The following LRWD1 variants were observed in gnomAD, a reference collection of about 807,000 sequenced individuals.
The protein encoded by LRWD1 is leucine-rich repeat and WD repeat-containing protein 1.
LRWD1 carries 76 observed loss-of-function variants against 75.6 expected under a neutral mutation model. The ratio of observed to expected loss-of-function variants is 1.01; its 90% CI spans 0.84 to 1.22. The LOEUF (loss-of-function observed/expected upper bound fraction) is 1.22, where lower values mean the gene tolerates loss of function less well. Ranked by LOEUF, LRWD1 falls within the 50% of genes most tolerant of loss-of-function variation. The pLI is 0.00. For missense variants in LRWD1, 917 were observed against 862.0 expected, an observed-to-expected ratio of 1.06 and a Z score of -0.80; for synonymous variants, 487 against 377.0, an observed-to-expected ratio of 1.29 and a Z score of -3.38.
intron 11 of LRWD1, 179 bp downstream of exon 11, chr7:102,470,061 C>A (rs919191109): frequency 3.9e-6 from 3 of 774,026 alleles, no homozygotes; most frequent in Non-Finnish European, 5.8e-6. Flanking sequence ...AGGACTCTGA[C>A]CCTGCTCTCA....
At position 102,472,773 on chromosome 7, in the gene LRWD1, T is replaced by G; in HGVS notation, c.1772T>G (p.Leu591Arg). ...DVSNILKQPP[L>R]LPAALQAPTQ... ...AGCAACATCCTGAAGCAGCCACCCC[T>G]GCTGCCGGCAGCCCTGCAGGCCCCC... The change falls in exon 14 of 15, where the codon CTG (leucine) becomes CGG (arginine). Residue 591 changes from leucine (L) to arginine (R), a missense_variant. Coordinates refer to ENST00000292616, the MANE Select transcript of LRWD1 (RefSeq NM_152892.3). 1.2e-6 allele frequency: 2 copies of G among 1,613,474 alleles called. No homozygotes were observed. Among genetic ancestry groups the G allele is most frequent in the Non-Finnish European group, 1.7e-6 (2 of 1,179,950 alleles).
intron 3 of LRWD1, among the ~76,000 whole-genome samples, 172 bp from the exon 4 acceptor site, chr7:102,467,167 G>GTA (rs1563654144): frequency 3.6e-5 from 4 of 112,310 alleles, no homozygotes; most frequent in Non-Finnish European, 7.2e-5. Flanking sequence ...TGGGGTGTGT[G>GTA]TGGGGTGTGT....
Position 102,472,232 on chromosome 7 carries a change from A to G in LRWD1, c.1457A>G (p.Glu486Gly). Reference protein sequence around the residue: ...QPQKRRVCEVEFVFSEGSEAS... With the variant: ...QPQKRRVCEVGFVFSEGSEAS... ...CTGCCCCACAGGGTGTGTGAAGTGG[A>G]ATTCGTCTTCTCTGAGGGCTCCGAG... The change falls in exon 12 of 15, where the codon GAA becomes GGA. Residue 486 changes from glutamate to glycine, a missense_variant. Glu to Gly is a moderately conservative substitution (Grantham distance 98). Coordinates refer to ENST00000292616, the MANE Select transcript of LRWD1 (RefSeq NM_152892.3). 1 of 1,594,784 alleles carries G rather than the reference A, an allele frequency of 6.3e-7. No homozygotes were observed.
chr7:102,467,628 C>G (rs1314703598), intron 4 of LRWD1, 91 bp from the exon 5 acceptor site: 5 of 1,506,306 alleles, frequency 3.3e-6, no homozygotes, highest in Non-Finnish European at 4.5e-6. Context: ...TTCCCCAACT[C>G]TGGAAGCATA....
intron 9 of LRWD1, among the ~76,000 whole-genome samples, 166 bp from the exon 10 acceptor site, chr7:102,469,408 A>C (rs1217164276): frequency 6.7e-6 from 1 of 148,578 alleles, no homozygotes; most frequent in Non-Finnish European, 1.5e-5. Context: ...AGATGGAGGA[A>C]ACAGGGATTG....
chr7:102,468,284 C>T lies in LRWD1; in HGVS notation c.826C>T (p.Leu276=). The change falls in exon 7 of 15, where the codon CTG becomes TTG. Residue 276 remains leucine, a synonymous_variant. Coordinates refer to ENST00000292616, the MANE Select transcript of LRWD1 (RefSeq NM_152892.3). ...ACAGCCTGCTGTGAAGCTGGAGCCC[C>T]TGCACTTCCTGCAGTGCCACAGCAA... ...GSQPAVKLEP[L]HFLQCHSKNN... 6.2e-7 allele frequency: 1 copy of T among 1,610,874 alleles called. No homozygotes were observed. The highest frequency in any genetic ancestry group is 1.3e-5 in the African/African-American group (1 of 75,064).
Position 102,465,488 on chromosome 7 carries a change from GCTTT to G in LRWD1, c.81-328_81-325del, listed in dbSNP as rs1475511502. The stretch of plus-strand genomic sequence containing the variant: ...GCCCCCGAGTCCTAAAGTAGTTGCA[GCTTT>G]TTTTTTTTTTTTTTTTTTTTTTTTT... On this transcript the variant is annotated intron_variant, in intron 1 of 14. Transcript: ENST00000292616. 1.4e-3 allele frequency: 148 copies of G among 108,040 alleles called. 33 individuals are homozygous for G. Among genetic ancestry groups the G allele is most frequent in the Middle Eastern group, 4.1e-3 (1 of 244 alleles). The allele number at this position is 108,040 out of a possible 1,614,324, so 6.7% of individuals were successfully genotyped here.
rs1586742047 is a variant in LRWD1, at chr7:102,470,026, A to G, written c.1442+144A>G. 6 of 1,049,012 alleles carry G rather than the reference A, an allele frequency of 5.7e-6. No individual in the cohort carries two copies. In the East Asian group the frequency reaches 1.7e-4, roughly 30 times the overall value. The allele number at this position is 1,049,012 out of a possible 1,614,324, so 65.0% of individuals were successfully genotyped here. A position where few individuals can be genotyped will look rare whatever the true frequency, so the allele number is the denominator to read the frequency against. Reference sequence around the variant, plus strand: ...CCTCTTCGCAGAGCTGGCTTGTCCCACCTTTCTGCCAGGCTCTGGAGGAAA... The same window carrying G: ...CCTCTTCGCAGAGCTGGCTTGTCCCGCCTTTCTGCCAGGCTCTGGAGGAAA... On this transcript the variant is annotated intron_variant, in intron 11 of 14. Transcript: ENST00000292616.
intron 8 of LRWD1, 59 bp from the exon 9 acceptor site, chr7:102,468,796 C>G: frequency 6.3e-7 from 1 of 1,581,512 alleles, no homozygotes; most frequent in Non-Finnish European, 8.6e-7. Context: ...GCCCGGGCTA[C>G]CCGCGTGTTC....
At chr7:102,472,109 G>A (rs572161875) in intron 11 of LRWD1, 109 bp from the exon 12 acceptor site, 7 of 976,458 alleles carry the variant, frequency 7.2e-6, no homozygotes, top group Non-Finnish European at 1.1e-5. Context: ...CTTCTGTGCA[G>A]CCTTCACACA....
Position 102,472,769 on chromosome 7 carries a change from C to A in LRWD1, c.1768C>A (p.Pro590Thr). The A allele has an allele frequency of 1.2e-6, 2 of 1,613,482 alleles. No individual in the cohort carries two copies. The highest frequency in any genetic ancestry group is 1.7e-6 in the Non-Finnish European group (2 of 1,179,960). ...YDVSNILKQP[P>T]LLPAALQAPT... Reference sequence around the variant, plus strand: ...CGTCAGCAACATCCTGAAGCAGCCACCCCTGCTGCCGGCAGCCCTGCAGGC... The same window carrying A: ...CGTCAGCAACATCCTGAAGCAGCCAACCCTGCTGCCGGCAGCCCTGCAGGC... The change falls in exon 14 of 15, where the codon CCC becomes ACC. Residue 590 changes from proline (P) to threonine (T), a missense_variant. By Grantham distance (38) the Pro-to-Thr change is conservative. Coordinates refer to ENST00000292616, the MANE Select transcript of LRWD1 (RefSeq NM_152892.3).
At position 102,465,946 on chromosome 7, in the gene LRWD1, C is replaced by T. The variant is rs778899711; in HGVS notation, c.210C>T (p.His70=). Residue 70 remains histidine (H), a synonymous_variant, in exon 2 of 15, where the codon CAC becomes CAT. Transcript: ENST00000292616. ...TGCCGGACAACCTGGGCCTGTCCCA[C>T]CTGCGTGTCCTCCGCTGCGCCAACA... ...ETLPDNLGLS[H]LRVLRCANNQ... is the part of the protein sequence containing the mutation. 2.5e-6 allele frequency: 4 copies of T among 1,613,886 alleles called. No homozygotes were observed. The highest frequency in any genetic ancestry group is 3.4e-6 in the Non-Finnish European group (4 of 1,180,028).
chr7:102,466,996 C>G (rs1279237648), intron 3 of LRWD1, among the ~76,000 whole-genome samples: 1 of 151,384 alleles, frequency 6.6e-6, no homozygotes, highest in Non-Finnish European at 1.5e-5. Context: ...CCCCAGGCTC[C>G]AACTCCTGGC....
chr7:102,469,177 A>C, intron 9 of LRWD1, 115 bp downstream of exon 9: 1 of 887,456 alleles, frequency 1.1e-6, no homozygotes, highest in East Asian at 2.7e-5. Context: ...GCCGGGCCCC[A>C]GTCTGCACCG....
At chr7:102,469,436 C>A in intron 9 of LRWD1, 138 bp from the exon 10 acceptor site, 1 of 946,296 alleles carries the variant, frequency 1.1e-6, no homozygotes, top group Non-Finnish European at 1.6e-6. Flanking sequence ...AGGAGTGTTC[C>A]TGTCTCCTAG....
intron 3 of LRWD1, 118 bp downstream of exon 3, chr7:102,466,388 C>T: frequency 1.3e-6 from 1 of 759,122 alleles, no homozygotes; most frequent in Non-Finnish European, 2.2e-6. Flanking sequence ...TTTGCCCCAA[C>T]AGCCCCTAGC....
chr7:102,466,910 A>G (rs1798002103), intron 3 of LRWD1, among the ~76,000 whole-genome samples: 1 of 151,168 alleles, frequency 6.6e-6, no homozygotes, highest in Non-Finnish European at 1.5e-5. Flanking sequence ...CCTTCTGAAT[A>G]GCTGGGGCTT....
At position 102,472,814 on chromosome 7, in the gene LRWD1, G is replaced by C. The variant is rs112683653; in HGVS notation, c.1803+10G>C. 4 of 1,613,012 alleles carry C rather than the reference G, an allele frequency of 2.5e-6. No individual in the cohort carries two copies. The highest frequency in any genetic ancestry group is 1.1e-5 in the South Asian group (1 of 91,050). On this transcript the variant is annotated intron_variant, in intron 14 of 14. Coordinates refer to ENST00000292616, the MANE Select transcript of LRWD1 (RefSeq NM_152892.3). The stretch of plus-strand genomic sequence containing the variant: ...GCAGGCCCCCACACAGGTACTGCCC[G>C]GCTCACCCTGCCCAGGCTTGGGCTG...
At position 102,469,863 on chromosome 7, in the gene LRWD1, G is replaced by C. The variant is rs1457579540; in HGVS notation, c.1423G>C (p.Asp475His). 1.9e-6 allele frequency: 3 copies of C among 1,582,958 alleles called. No individual in the cohort carries two copies. Among genetic ancestry groups the C allele is most frequent in the Non-Finnish European group, 2.6e-6 (3 of 1,166,496 alleles). ...CTGCTGCTGCTGGGACGTGCGGCTG[G>C]ACCAGCCCCAAAAGAGGAGGTGAGG... is the stretch of plus-strand genomic sequence containing the variant. ...GGCCCWDVRL[D>H]QPQKRRVCEV... The change falls in exon 11 of 15, where the codon GAC becomes CAC. Residue 475 changes from aspartate (D) to histidine (H), a missense_variant. Transcript: ENST00000292616.
Sources: allele counts gnomAD v4.1 joint callset (sites outside exome capture counted in the v4.1 genomes callset), GRCh38; gene constraint gnomAD v4.1.1; transcripts MANE v1.5; gene names NCBI Gene and HGNC (gene_info 2026-07-23, HGNC 2026-07-21).